Variants in TMTC4 observed in about 807,000 individuals in gnomAD.
The protein encoded by TMTC4 is transmembrane O-mannosyltransferase targeting cadherins 4, also known as protein O-mannosyl-transferase TMTC4.
A neutral mutation model predicts 86.0 loss-of-function variants in TMTC4; 65 were observed. The ratio of observed to expected loss-of-function variants is 0.76; its 90% CI spans 0.62 to 0.93. TMTC4 has a LOEUF of 0.93. TMTC4 is among the 40% of genes least tolerant of loss of function. The pLI is 0.00. For synonymous variants in TMTC4, 379 were observed against 382.5 expected, an observed-to-expected ratio of 0.99 and a Z score of 0.11; for missense variants, 866 against 948.1, an observed-to-expected ratio of 0.91 and a Z score of 1.14.
At chr13:100,656,318 ACTGCTC>A in intron 6 of TMTC4, 57 bp downstream of exon 6, 1 of 1,430,854 alleles carries the variant, frequency 7.0e-7, no homozygotes, top group Non-Finnish European at 9.7e-7. Flanking sequence ...ATGTTAAGAC[ACTGCTC>A]AACAGGACAA....
At chr13:100,606,821 G>C (rs1040040518) in intron 17 of TMTC4, among the ~76,000 whole-genome samples, 1 of 152,194 alleles carries the variant, frequency 6.6e-6, no homozygotes, top group Non-Finnish European at 1.5e-5. Flanking sequence ...GGTAGCAGTT[G>C]AGGCCCATTT....
intron 3 of TMTC4, chr13:100,666,140 T>G: frequency 2.3e-6 from 1 of 442,942 alleles, no homozygotes; most frequent in Non-Finnish European, 4.5e-6. Context: ...TTCCTCATAA[T>G]GATTTATGGA....
At chr13:100,671,531 C>T (rs537893632) in intron 1 of TMTC4, among the ~76,000 whole-genome samples, 33 of 152,290 alleles carry the variant, frequency 2.2e-4, no homozygotes, top group East Asian at 3.9e-4. Context: ...ACACCATCAA[C>T]GAGATGCCCT....
intron 15 of TMTC4, chr13:100,623,743 T>C (rs986158990): frequency 3.9e-5 from 7 of 181,704 alleles, no homozygotes; most frequent in South Asian, 3.2e-4. Flanking sequence ...TTGAGTAACT[T>C]GGTGCAGGCG....
At position 100,663,969 on chromosome 13, in the gene TMTC4, G is replaced by A. The variant is rs1110066; in HGVS notation, c.335+252C>T. On this transcript the variant is annotated intron_variant, in intron 4 of 18. Transcript: ENST00000342624. ...CTTTCACTCATATTATTCCATTGGT[G>A]TTAACCAGCAAAGGGTCAAACCTCC... Among the ~76,000 whole-genome samples, 50,901 of 152,000 alleles carry A rather than the reference G, an allele frequency of 0.33. 8,897 individuals carry two copies. Among genetic ancestry groups the A allele is most frequent in the East Asian group, 0.6 (3,081 of 5,170 alleles).
chr13:100,630,664 G>T (rs879921865), intron 12 of TMTC4, among the ~76,000 whole-genome samples: 1 of 152,086 alleles, frequency 6.6e-6, no homozygotes, highest in African/African-American at 2.4e-5. Flanking sequence ...TACAAATACA[G>T]CTTCTACTCA....
chr13:100,615,472 T>C (rs1171141760), intron 15 of TMTC4, among the ~76,000 whole-genome samples: 1 of 150,504 alleles, frequency 6.6e-6, no homozygotes, highest in Non-Finnish European at 1.5e-5. Context: ...AGTCTCGCTC[T>C]GTTGCCCAGG....
intron 6 of TMTC4, among the ~76,000 whole-genome samples, chr13:100,649,716 AC>A (rs1884190441): frequency 6.6e-6 from 1 of 151,868 alleles, no homozygotes; most frequent in African/African-American, 2.4e-5. Flanking sequence ...TAATCTTTGA[AC>A]CCCTTCACAC....
intron 7 of TMTC4, among the ~76,000 whole-genome samples, chr13:100,641,790 T>A (rs1883054769): frequency 6.6e-6 from 1 of 152,142 alleles, no homozygotes; most frequent in Non-Finnish European, 1.5e-5. Flanking sequence ...CCCGGCCCTG[T>A]TCCTTCATTT....
chr13:100,606,551 A>G (rs1178382405), intron 17 of TMTC4, 124 bp from the exon 18 acceptor site: 1 of 763,922 alleles, frequency 1.3e-6, no homozygotes, highest in Non-Finnish European at 2.1e-6. Flanking sequence ...GCATTCCTCC[A>G]GAAACACTCG....
At chr13:100,616,838 C>T (rs1158237620) in intron 15 of TMTC4, among the ~76,000 whole-genome samples, 3 of 152,072 alleles carry the variant, frequency 2.0e-5, no homozygotes, top group Non-Finnish European at 2.9e-5. Context: ...TGTCTGGTCA[C>T]GCCTTTTGCC....
At chr13:100,674,188 C>A in intron 1 of TMTC4, 1 of 882,694 alleles carries the variant, frequency 1.1e-6, no homozygotes, top group Non-Finnish European at 1.4e-6. Flanking sequence ...GGGCCGGTGG[C>A]CCCGCGCTCG....
At chr13:100,663,802 A>T (rs1886086502) in intron 4 of TMTC4, among the ~76,000 whole-genome samples, 1 of 152,216 alleles carries the variant, frequency 6.6e-6, no homozygotes, top group South Asian at 2.1e-4. Context: ...TATTAAGTGC[A>T]AGTGGCTCCC....
chr13:100,613,900 C>T (rs908956404), intron 16 of TMTC4, among the ~76,000 whole-genome samples: 7 of 141,778 alleles, frequency 4.9e-5, no homozygotes, highest in African/African-American at 1.6e-4. Flanking sequence ...AGTGCAATGG[C>T]GTGATCTTGG....
intron 6 of TMTC4, among the ~76,000 whole-genome samples, chr13:100,649,793 AT>A (rs1008732057): frequency 6.6e-6 from 1 of 151,306 alleles, no homozygotes; most frequent in African/African-American, 2.4e-5. Context: ...AAATAAATAA[AT>A]AAAAATTACT....
At chr13:100,642,677 A>G (rs1292842254) in intron 6 of TMTC4, among the ~76,000 whole-genome samples, 1 of 152,188 alleles carries the variant, frequency 6.6e-6, no homozygotes, top group African/African-American at 2.4e-5. Flanking sequence ...CTGAGACTGC[A>G]AACAGTCCAT....
In TMTC4 at chr13:100,626,092, C is replaced by A. The variant is rs750461987; in HGVS notation, c.1565G>T (p.Arg522Ile). The A allele has an allele frequency of 1.3e-5, 21 of 1,614,072 alleles. No homozygotes were observed. In the Admixed American group the frequency reaches 3.5e-4, roughly 27 times the overall value. ...ADKGNQTAAIRYYREAVRLNP... is the reference protein window; with the variant it reads ...ADKGNQTAAIIYYREAVRLNP... ...ATACCTTACAGCTTCCCGGTAGTATCTGATGGCAGCTGTCTGGTTGCCTTT... is the reference window on the plus strand; with the variant it reads ...ATACCTTACAGCTTCCCGGTAGTATATGATGGCAGCTGTCTGGTTGCCTTT... The change falls in exon 13 of 19, where the codon AGA becomes ATA. Residue 522 changes from arginine to isoleucine, a missense_variant. Coordinates refer to ENST00000342624, the MANE Select transcript of TMTC4 (RefSeq NM_032813.5).
At chr13:100,627,279 T>C (rs1316184134) in intron 12 of TMTC4, among the ~76,000 whole-genome samples, 1 of 152,192 alleles carries the variant, frequency 6.6e-6, no homozygotes. Context: ...GTCGTTGTCC[T>C]CAGAGCCACG....
chr13:100,635,322 T>C (rs1005741513), intron 10 of TMTC4, 127 bp from the exon 11 acceptor site: 21 of 1,078,872 alleles, frequency 1.9e-5, no homozygotes, highest in Admixed American at 3.1e-5. Context: ...AAAGATATTG[T>C]TGTCAGCCAA....
Sources: gnomAD v4.1 joint callset for allele counts (sites outside exome capture counted in the v4.1 genomes callset) on GRCh38, gnomAD v4.1.1 for gene constraint, MANE v1.5 for transcripts, NCBI Gene and HGNC (gene_info 2026-07-23, HGNC 2026-07-21) for gene names.